ADGB: variants seen among roughly 807,000 people sequenced by gnomAD.
ADGB encodes androglobin, also known as calpain-7-like protein.
Under a neutral mutation model 210.5 loss-of-function variants are expected in ADGB, and 172 were observed. The observed-to-expected ratio is 0.82, with a 90% CI of 0.72 to 0.93. The LOEUF is 0.93. ADGB is among the 40% of genes least tolerant of loss of function. The pLI is 0.00. For synonymous variants in ADGB, 658 were observed against 662.7 expected, an observed-to-expected ratio of 0.99 and a Z score of 0.11; for missense variants, 2,025 against 1,964.8, an observed-to-expected ratio of 1.03 and a Z score of -0.58.
intron 23 of ADGB, among the ~76,000 whole-genome samples, chr6:146,739,885 G>A (rs756379587): frequency 4.6e-5 from 7 of 152,176 alleles, no homozygotes; most frequent in Non-Finnish European, 8.8e-5. Flanking sequence ...CCTTCCAGGG[G>A]GAAAACGTGG....
At chr6:146,620,225 C>T (rs759893102) in intron 1 of ADGB, among the ~76,000 whole-genome samples, 2 of 152,036 alleles carry the variant, frequency 1.3e-5, no homozygotes, top group Non-Finnish European at 2.9e-5. Context: ...TTTTTGGTAA[C>T]TTAATTATGA....
chr6:146,793,436 T>C (rs1777982137), intron 33 of ADGB, among the ~76,000 whole-genome samples: 1 of 152,064 alleles, frequency 6.6e-6, no homozygotes, highest in African/African-American at 2.4e-5. Flanking sequence ...TCCTGCTGGA[T>C]GGGGGCAAAG....
rs922457088 is a variant in ADGB, at chr6:146,741,270, A to T, written c.3176A>T (p.Lys1059Met). Residue 1059 changes from lysine to methionine, a missense_variant and splice_region_variant, in exon 25 of 36, where the codon AAG becomes ATG. By Grantham distance (95) the Lys-to-Met change is moderately conservative (BLOSUM62 -1). Transcript: ENST00000397944. Reference sequence around the variant, plus strand: ...GTGCCTTATCTTTATACCAAGAATAAGGTAGGTATAAAATTTATTCTCCAC... The same window carrying T: ...GTGCCTTATCTTTATACCAAGAATATGGTAGGTATAAAATTTATTCTCCAC... ...KVVPYLYTKN[K>M]KGYTFVAEAF... 6 of 1,550,482 alleles carry T rather than the reference A, an allele frequency of 3.9e-6. No homozygotes were observed. The East Asian group carries it at 1.5e-4, about 38-fold the overall frequency.
At chr6:146,772,205 G>A (rs1342669629) in intron 29 of ADGB, among the ~76,000 whole-genome samples, 1 of 151,924 alleles carries the variant, frequency 6.6e-6, no homozygotes, top group Non-Finnish European at 1.5e-5. Flanking sequence ...ACCTGTTTCT[G>A]AATAATGTTT....
intron 2 of ADGB, chr6:146,639,736 T>C (rs1775479586): frequency 6.6e-6 from 1 of 151,934 alleles, no homozygotes; most frequent in Admixed American, 6.6e-5. Context: ...AAAATTGGAA[T>C]GATACAGAAA....
intron 34 of ADGB, 49 bp from the exon 35 acceptor site, chr6:146,801,779 C>T: frequency 6.9e-7 from 1 of 1,458,816 alleles, no homozygotes. Flanking sequence ...GAAGCTTATT[C>T]CAGAGTTCCC....
chr6:146,787,503 A>G (rs1040030855), intron 32 of ADGB, among the ~76,000 whole-genome samples: 1 of 144,844 alleles, frequency 6.9e-6, no homozygotes. Context: ...TGTAGGTTCA[A>G]CTTACTGGAA....
chr6:146,641,425 G>T (rs1043274866), intron 2 of ADGB, among the ~76,000 whole-genome samples: 1 of 150,552 alleles, frequency 6.6e-6, no homozygotes, highest in Non-Finnish European at 1.5e-5. Flanking sequence ...AACCAAAAAA[G>T]AACCTGAATA....
At chr6:146,663,559 T>TG (rs1397426855) in intron 5 of ADGB, among the ~76,000 whole-genome samples, 2 of 152,074 alleles carry the variant, frequency 1.3e-5, no homozygotes, top group African/African-American at 4.8e-5. Flanking sequence ...ACATGAATTT[T>TG]GGGGAGAAAC....
chr6:146,612,118 T>A (rs1780721340), intron 1 of ADGB, among the ~76,000 whole-genome samples: 1 of 152,082 alleles, frequency 6.6e-6, no homozygotes. Context: ...TCTGGCCTCT[T>A]TTACCTTTTC....
intron 29 of ADGB, among the ~76,000 whole-genome samples, chr6:146,769,456 A>G (rs1273026396): frequency 6.6e-6 from 1 of 152,124 alleles, no homozygotes; most frequent in Non-Finnish European, 1.5e-5. Flanking sequence ...ATAAAATTAT[A>G]TTTGCCCATA....
chr6:146,612,285 C>A (rs966838985), intron 1 of ADGB, among the ~76,000 whole-genome samples: 1 of 152,146 alleles, frequency 6.6e-6, no homozygotes, highest in Non-Finnish European at 1.5e-5. Flanking sequence ...CATCTCTGAA[C>A]CTTATCATGT....
rs1777605723 is a variant in ADGB at position 146,768,340 on chromosome 6, A to T, written c.3751-680A>T. On this transcript the variant is annotated intron_variant, in intron 28 of 35. Coordinates refer to ENST00000397944, the MANE Select transcript of ADGB (RefSeq NM_024694.4). Reference sequence around the variant, plus strand: ...AAAGTGTGTCTTAGTATTTCCAAAGACAAAAAGATATAGCAGTAAAAATAG... The same window carrying T: ...AAAGTGTGTCTTAGTATTTCCAAAGTCAAAAAGATATAGCAGTAAAAATAG... Among the ~76,000 whole-genome samples the T allele has an allele frequency of 2.0e-5, 3 of 152,346 alleles. No homozygotes were observed. In the South Asian group the frequency reaches 6.2e-4, roughly 32 times the overall value.
At chr6:146,675,153 C>A (rs1776068721) in intron 8 of ADGB, among the ~76,000 whole-genome samples, 1 of 151,858 alleles carries the variant, frequency 6.6e-6, no homozygotes. Flanking sequence ...GTTAAATCTG[C>A]TGAAAAAGCT....
chr6:146,765,970 T>C (rs944774687), intron 28 of ADGB, among the ~76,000 whole-genome samples: 5 of 152,046 alleles, frequency 3.3e-5, no homozygotes, highest in Non-Finnish European at 5.9e-5. Context: ...CACGTACTTC[T>C]AGTAAGACCA....
chr6:146,721,503 G>A lies in ADGB; in HGVS notation c.2093G>A (p.Gly698Glu). 6.6e-7 allele frequency: 1 copy of A among 1,518,052 alleles called. No individual in the cohort carries two copies. Among genetic ancestry groups the A allele is most frequent in the Non-Finnish European group, 8.9e-7 (1 of 1,125,902 alleles). 94.0% of individuals were successfully genotyped at this position (1,518,052 alleles called of 1,614,324 possible). Residue 698 changes from glycine to glutamate, a missense_variant and splice_region_variant, in exon 17 of 36, where the codon GGA (glycine) becomes GAA (glutamate). Physicochemically the swap from Gly to Glu is moderately conservative, Grantham distance 98. Coordinates refer to ENST00000397944, the MANE Select transcript of ADGB (RefSeq NM_024694.4). ...GCATTGGTACGCTGGGGGGAGTATG[G>A]AGGTAAGAGGGCTCTGAGAAAATGA... ...FSALVRWGEYGALTKDSPPIE... is the reference protein window; with the variant it reads ...FSALVRWGEYEALTKDSPPIE...
At chr6:146,628,595 T>C (rs561305094) in intron 1 of ADGB, among the ~76,000 whole-genome samples, 1 of 152,046 alleles carries the variant, frequency 6.6e-6, no homozygotes, top group African/African-American at 2.4e-5. Flanking sequence ...TAAGCTTGCA[T>C]AGTACTGAAC....
Position 146,719,437 on chromosome 6 carries a change from AT to A in ADGB, c.1992+1846del, listed in dbSNP as rs11382374. 2.0e-5 allele frequency among the ~76,000 whole-genome samples: 3 copies of A among 151,680 alleles called. 1 individual carries two copies. Among genetic ancestry groups the A allele is most frequent in the South Asian group, 2.1e-4 (1 of 4,820 alleles). On this transcript the variant is annotated intron_variant, in intron 16 of 35. Transcript: ENST00000397944. ...TATGACATTCCTTTTATTTCCCTGA[AT>A]TTTTTTTAATTAATGGTATGAGAAA...
At chr6:146,654,698 A>G (rs1775755480) in intron 4 of ADGB, among the ~76,000 whole-genome samples, 1 of 152,102 alleles carries the variant, frequency 6.6e-6, no homozygotes, top group Non-Finnish European at 1.5e-5. Flanking sequence ...TTTGATATAC[A>G]TTGTTAAATA....
Sources: allele counts gnomAD v4.1 joint callset (sites outside exome capture counted in the v4.1 genomes callset), GRCh38; gene constraint gnomAD v4.1.1; transcripts MANE v1.5; gene names NCBI Gene and HGNC (gene_info 2026-07-23, HGNC 2026-07-21).